MRPL48: variants seen among roughly 807,000 people sequenced by gnomAD.
MRPL48 encodes large ribosomal subunit protein mL48.
A neutral mutation model predicts 32.9 loss-of-function variants in MRPL48; 16 were observed. The observed-to-expected ratio is 0.49, with a 90% confidence interval of 0.33 to 0.74. The LOEUF is 0.74. MRPL48 is among the 30% of genes least tolerant of loss of function. MRPL48 has a pLI of 0.02. For missense variants in MRPL48, 206 were observed against 245.3 expected (o/e 0.84, Z 1.07); for synonymous variants, 94 against 89.2 (o/e 1.05, Z -0.31).
At chr11:73,841,406 G>A (rs764188013) in intron 4 of MRPL48, among the ~76,000 whole-genome samples, 1 of 152,162 alleles carries the variant, frequency 6.6e-6, no homozygotes, top group Non-Finnish European at 1.5e-5. Context: ...TCCACCAACA[G>A]TAGAAAGGAT....
intron 4 of MRPL48, among the ~76,000 whole-genome samples, chr11:73,843,565 T>C (rs566283691): frequency 6.6e-6 from 1 of 152,278 alleles, no homozygotes; most frequent in Non-Finnish European, 1.5e-5. Context: ...AGTTGATATG[T>C]AGTGAAGCAA....
chr11:73,857,458 T>C (rs1948503331), intron 5 of MRPL48, among the ~76,000 whole-genome samples: 1 of 151,098 alleles, frequency 6.6e-6, no homozygotes, highest in Non-Finnish European at 1.5e-5. Flanking sequence ...TTTTTTTTTC[T>C]AAATAGAGAC....
At chr11:73,789,542 A>G (rs1947109192) in intron 1 of MRPL48, 1 of 152,202 alleles carries the variant, frequency 6.6e-6, no homozygotes, top group Non-Finnish European at 1.5e-5. Flanking sequence ...AAGGAAGGTC[A>G]TGGGATTTGT....
At chr11:73,793,064 G>GTATT (rs561406290) in intron 1 of MRPL48, among the ~76,000 whole-genome samples, 109 of 152,176 alleles carry the variant, frequency 7.2e-4, no homozygotes, top group Middle Eastern at 3.4e-3. Context: ...TGGTGCTTAT[G>GTATT]TATTTATTTA....
chr11:73,826,888 C>T lies in MRPL48; in HGVS notation c.201+1092C>T, dbSNP rs1233661081. On this transcript the variant is annotated intron_variant, in intron 4 of 7. Coordinates refer to ENST00000310614, the MANE Select transcript of MRPL48 (RefSeq NM_016055.6). ...ACCTCCTGGGTTCAAACGATTCTCC[C>T]GCCTCAGCCTCCCGAGTAGCTGGGA... 4.0e-5 allele frequency among the ~76,000 whole-genome samples: 6 copies of T among 150,678 alleles called. No individual in the cohort carries two copies. In the South Asian group the frequency reaches 6.3e-4, roughly 16 times the overall value.
At chr11:73,849,377 T>C (rs1031489050) in intron 5 of MRPL48, among the ~76,000 whole-genome samples, 16 of 152,242 alleles carry the variant, frequency 1.1e-4, no homozygotes, top group African/African-American at 3.4e-4. Flanking sequence ...TCTCAGGTGA[T>C]CTGCCTGCCT....
At chr11:73,836,382 A>G (rs1406397934) in intron 4 of MRPL48, among the ~76,000 whole-genome samples, 1 of 152,124 alleles carries the variant, frequency 6.6e-6, no homozygotes, top group East Asian at 1.9e-4. Flanking sequence ...TATTTTTAGT[A>G]GAGACGGGTT....
intron 5 of MRPL48, among the ~76,000 whole-genome samples, chr11:73,850,243 AT>A (rs199877447): frequency 2.9e-4 from 42 of 145,992 alleles, no homozygotes; most frequent in Admixed American, 2.0e-3. Flanking sequence ...AATAACAAAA[AT>A]TTTTTTTTTA....
chr11:73,819,224 A>C (rs1181206851), intron 3 of MRPL48, among the ~76,000 whole-genome samples: 1 of 152,258 alleles, frequency 6.6e-6, no homozygotes, highest in East Asian at 1.9e-4. Context: ...TTAATTAAGC[A>C]GATGCTCTAA....
At chr11:73,860,248 C>T (rs7105778) in intron 6 of MRPL48, 21,580 of 337,578 alleles carry the variant, frequency 0.064, 669 homozygotes, top group Middle Eastern at 0.1. Flanking sequence ...TATATATCTC[C>T]AGTCCTGATC....
chr11:73,846,546 G>T (rs530537789), intron 5 of MRPL48, among the ~76,000 whole-genome samples: 1 of 151,534 alleles, frequency 6.6e-6, no homozygotes. Flanking sequence ...AATAGAGATG[G>T]GGTTTCACCA....
intron 5 of MRPL48, among the ~76,000 whole-genome samples, chr11:73,858,415 T>A (rs1418786183): frequency 2.6e-5 from 4 of 152,238 alleles, no homozygotes; most frequent in African/African-American, 9.6e-5. Flanking sequence ...AATTCCCAAA[T>A]TCAAATAGGT....
chr11:73,798,048 G>A (rs1947289937), intron 1 of MRPL48, among the ~76,000 whole-genome samples: 1 of 152,088 alleles, frequency 6.6e-6, no homozygotes, highest in African/African-American at 2.4e-5. Flanking sequence ...TGTTTAGAAG[G>A]TTATGGCTAA....
chr11:73,851,574 A>C (rs1948390805), intron 5 of MRPL48, among the ~76,000 whole-genome samples: 1 of 152,110 alleles, frequency 6.6e-6, no homozygotes, highest in Non-Finnish European at 1.5e-5. Context: ...CTTGACACAT[A>C]CCTCATGTCA....
rs759921648 is a variant in MRPL48 at position 73,808,296 on chromosome 11, T to C, written c.75-17T>C. ...GGGTTTCTAATTGTATTGAACATACTTTCTCCCTCCTTTTAGGTTTAGAAC... is the reference window on the plus strand; with the variant it reads ...GGGTTTCTAATTGTATTGAACATACCTTCTCCCTCCTTTTAGGTTTAGAAC... On this transcript the variant is annotated splice_polypyrimidine_tract_variant and intron_variant, in intron 2 of 7. Coordinates refer to ENST00000310614, the MANE Select transcript of MRPL48 (RefSeq NM_016055.6). The C allele has an allele frequency of 3.8e-6, 6 of 1,598,484 alleles. No homozygotes were observed. In the Admixed American group the frequency reaches 5.2e-5, roughly 14 times the overall value.
chr11:73,836,584 A>T (rs1948108620), intron 4 of MRPL48, among the ~76,000 whole-genome samples: 1 of 152,158 alleles, frequency 6.6e-6, no homozygotes, highest in Non-Finnish European at 1.5e-5. Flanking sequence ...ATAGCCTTAT[A>T]AACATATATA....
chr11:73,794,184 G>GTATCTATCTATC (rs56944899), intron 1 of MRPL48, among the ~76,000 whole-genome samples: 2,121 of 139,262 alleles, frequency 0.015, 27 homozygotes, highest in Admixed American at 0.021. Flanking sequence ...GTGAGACCCT[G>GTATCTATCTATC]TATCTATCTA....
intron 4 of MRPL48, among the ~76,000 whole-genome samples, chr11:73,838,339 A>G (rs147354514): frequency 2.0e-5 from 3 of 152,302 alleles, no homozygotes; most frequent in South Asian, 2.1e-4. Flanking sequence ...TGAAATATGT[A>G]TTGTAATATC....
At position 73,864,309 on chromosome 11, in the gene MRPL48, A is replaced by C. The variant is rs1341081752; in HGVS notation, c.578A>C (p.Asp193Ala). 6.2e-7 allele frequency: 1 copy of C among 1,613,734 alleles called. No homozygotes were observed. The highest frequency in any genetic ancestry group is 8.5e-7 in the Non-Finnish European group (1 of 1,179,856). Residue 193 changes from aspartate (D) to alanine (A), a missense_variant, in exon 8 of 8, where the codon GAC becomes GCC. Transcript: ENST00000310614. ...RLSVKEHTEE[D>A]FKGRFKARPE... is the part of the protein sequence containing the mutation. ...TCTTCTCCTTAGCACACTGAAGAAG[A>C]CTTCAAGGGACGATTCAAAGCTCGA...
Sources: allele counts gnomAD v4.1 joint callset (sites outside exome capture counted in the v4.1 genomes callset), GRCh38; gene constraint gnomAD v4.1.1; transcripts MANE v1.5; gene names NCBI Gene and HGNC (gene_info 2026-07-23, HGNC 2026-07-21).